NRCAM: variants seen among roughly 807,000 people sequenced by gnomAD.
NRCAM encodes the protein neuronal cell adhesion molecule, also known as NgCAM-related cell adhesion molecule.
A neutral mutation model predicts 156.5 loss-of-function variants in NRCAM; 83 were observed. The ratio of observed to expected loss-of-function variants is 0.53; its 90% CI spans 0.44 to 0.64. NRCAM has a LOEUF of 0.64. Ranked by LOEUF, NRCAM falls within the 30% of genes least tolerant of loss-of-function variation. NRCAM has a pLI of 0.00. For synonymous variants in NRCAM, 538 were observed against 563.9 expected (o/e 0.95, Z 0.65); for missense variants, 1,417 against 1,597.3 (o/e 0.89, Z 1.92).
intron 11 of NRCAM, among the ~76,000 whole-genome samples, chr7:108,214,471 T>C (rs181008555): frequency 1.5e-5 from 2 of 137,710 alleles, no homozygotes; most frequent in African/African-American, 5.5e-5. Flanking sequence ...TATCATTTTT[T>C]ATTGTGTCTA....
At chr7:108,304,994 AG>A (rs1466847040) in intron 3 of NRCAM, among the ~76,000 whole-genome samples, 1 of 152,162 alleles carries the variant, frequency 6.6e-6, no homozygotes, top group Non-Finnish European at 1.5e-5. Context: ...TAGCATCTAA[AG>A]GTCTGTTTTC....
At chr7:108,177,740 A>G (rs569338736) in intron 26 of NRCAM, among the ~76,000 whole-genome samples, 19 of 150,654 alleles carry the variant, frequency 1.3e-4, no homozygotes, top group African/African-American at 4.7e-4. Context: ...TATATGATAC[A>G]AAATGATAGC....
At chr7:108,272,545 T>C (rs917399797) in intron 3 of NRCAM, among the ~76,000 whole-genome samples, 17 of 152,288 alleles carry the variant, frequency 1.1e-4, no homozygotes, top group African/African-American at 3.6e-4. Flanking sequence ...TGTTTGATCA[T>C]AGGGTACTGT....
chr7:108,222,857 A>T (rs1351978747), intron 11 of NRCAM, among the ~76,000 whole-genome samples: 2 of 152,150 alleles, frequency 1.3e-5, no homozygotes, highest in Non-Finnish European at 2.9e-5. Context: ...CAGGCAGAAG[A>T]CAGGGACTAT....
At chr7:108,367,688 ACCTTTAC>A (rs1423947214) in intron 2 of NRCAM, among the ~76,000 whole-genome samples, 4 of 152,122 alleles carry the variant, frequency 2.6e-5, no homozygotes, top group African/African-American at 9.7e-5. Flanking sequence ...GGAGAGTCTC[ACCTTTAC>A]CAAGCAGAGA....
intron 2 of NRCAM, among the ~76,000 whole-genome samples, chr7:108,319,395 C>T (rs1318798333): frequency 6.6e-6 from 1 of 152,172 alleles, no homozygotes; most frequent in African/African-American, 2.4e-5. Flanking sequence ...TAGAAAAAAT[C>T]CCTGCCCTCA....
chr7:108,226,412 C>T (rs767972199), intron 8 of NRCAM, 34 bp from the exon 9 acceptor site: 83 of 1,546,604 alleles, frequency 5.4e-5, no homozygotes, highest in African/African-American at 5.5e-5. Flanking sequence ...AAGATTATTC[C>T]ATCATAAAGT....
intron 3 of NRCAM, among the ~76,000 whole-genome samples, chr7:108,255,479 C>A (rs932930685): frequency 6.6e-6 from 1 of 152,156 alleles, no homozygotes; most frequent in Admixed American, 6.5e-5. Flanking sequence ...TCAATGTTGC[C>A]CAGGCTGGAG....
At chr7:108,352,654 T>C (rs1205259290) in intron 2 of NRCAM, among the ~76,000 whole-genome samples, 2 of 152,258 alleles carry the variant, frequency 1.3e-5, no homozygotes, top group Non-Finnish European at 2.9e-5. Context: ...AATGTTTTAC[T>C]TGACAAATAT....
At chr7:108,305,545 T>G (rs1307951376) in intron 3 of NRCAM, among the ~76,000 whole-genome samples, 3 of 152,180 alleles carry the variant, frequency 2.0e-5, no homozygotes, top group Admixed American at 6.5e-5. Context: ...CCCCTGTGCT[T>G]CTTCTCCGTG....
At chr7:108,375,814 T>C (rs1234294027) in intron 2 of NRCAM, among the ~76,000 whole-genome samples, 1 of 152,216 alleles carries the variant, frequency 6.6e-6, no homozygotes, top group African/African-American at 2.4e-5. Context: ...AAAAATGTCA[T>C]CTGTCCAGTC....
intron 1 of NRCAM, among the ~76,000 whole-genome samples, chr7:108,454,585 T>C (rs933826411): frequency 5.3e-5 from 8 of 152,202 alleles, no homozygotes. Flanking sequence ...GTTGCCTAAC[T>C]CCATTTCAGT....
chr7:108,276,225 G>A (rs1490063359), intron 3 of NRCAM, among the ~76,000 whole-genome samples: 1 of 152,190 alleles, frequency 6.6e-6, no homozygotes, highest in Non-Finnish European at 1.5e-5. Context: ...TTGGGGTGGA[G>A]AGTTCTGTAG....
intron 3 of NRCAM, among the ~76,000 whole-genome samples, chr7:108,274,521 C>A (rs982889866): frequency 5.3e-5 from 8 of 152,106 alleles, no homozygotes; most frequent in South Asian, 2.1e-4. Context: ...GGAGTTCACT[C>A]ATGATTTGGC....
intron 4 of NRCAM, 136 bp from the exon 5 acceptor site, chr7:108,237,905 T>G: frequency 1.9e-6 from 1 of 519,662 alleles, no homozygotes; most frequent in South Asian, 6.3e-5. Flanking sequence ...AAAACCTGTA[T>G]AGTGAAGGTT....
intron 20 of NRCAM, 92 bp from the exon 21 acceptor site, chr7:108,184,706 C>A: frequency 1.0e-6 from 1 of 955,626 alleles, no homozygotes; most frequent in Non-Finnish European, 1.5e-6. Context: ...CAACCCAACA[C>A]AAGCAACCAA....
chr7:108,441,057 A>G (rs529261936), intron 1 of NRCAM, among the ~76,000 whole-genome samples: 30 of 152,330 alleles, frequency 2.0e-4, no homozygotes, highest in African/African-American at 7.0e-4. Flanking sequence ...GTTGTTCTTA[A>G]GCCCAAACTT....
At chr7:108,251,518 AATCC>A (rs1399444296) in intron 3 of NRCAM, among the ~76,000 whole-genome samples, 1 of 152,356 alleles carries the variant, frequency 6.6e-6, no homozygotes, top group East Asian at 1.9e-4. Context: ...GGAGTCAAAT[AATCC>A]AGCCACCAAT....
intron 20 of NRCAM, among the ~76,000 whole-genome samples, chr7:108,186,706 T>C (rs1464172649): frequency 6.6e-6 from 1 of 152,260 alleles, no homozygotes; most frequent in East Asian, 1.9e-4. Context: ...CATCTTTATA[T>C]GTATTTATAT....
Sources: gnomAD v4.1 joint callset for allele counts (sites outside exome capture counted in the v4.1 genomes callset) on GRCh38, gnomAD v4.1.1 for gene constraint, MANE v1.5 for transcripts, NCBI Gene and HGNC (gene_info 2026-07-23, HGNC 2026-07-21) for gene names.